GMDS: variants seen among roughly 807,000 people sequenced by gnomAD.
GMDS encodes GDP-mannose 4,6-dehydratase, also known as GDP-mannose 4,6 dehydratase.
Under a neutral mutation model 49.9 loss-of-function variants are expected in GMDS, and 20 were observed. The observed-to-expected ratio is 0.40, with a 90% CI of 0.28 to 0.58. GMDS has a LOEUF of 0.58. Among genes scored for constraint, GMDS ranks in the 20% least tolerant of loss-of-function variants. The pLI, the probability that GMDS is intolerant of heterozygous loss-of-function variation, is 0.42. For synonymous variants in GMDS, 177 were observed against 178.6 expected (o/e 0.99, Z 0.07); for missense variants, 362 against 481.4 (o/e 0.75, Z 2.32).
intron 1 of GMDS, among the ~76,000 whole-genome samples, chr6:2,131,801 CTTT>C (rs59213948): frequency 7.0e-6 from 1 of 142,888 alleles, no homozygotes; most frequent in African/African-American, 2.5e-5. Context: ...ACTGGTTTTC[CTTT>C]TTTTTTTTTT....
chr6:2,157,958 G>A (rs1348873566), intron 1 of GMDS, among the ~76,000 whole-genome samples: 1 of 152,018 alleles, frequency 6.6e-6, no homozygotes, highest in East Asian at 1.9e-4. Flanking sequence ...TTGGAAATGG[G>A]CATTAAAATC....
intron 9 of GMDS, among the ~76,000 whole-genome samples, chr6:1,652,364 C>A (rs182599439): frequency 6.1e-5 from 1 of 16,264 alleles, no homozygotes; most frequent in East Asian, 2.3e-3. Context: ...AAGAGTGAAA[C>A]TCCGCTAAAA....
chr6:1,971,725 T>C (rs1230536867), intron 4 of GMDS, among the ~76,000 whole-genome samples: 1 of 152,198 alleles, frequency 6.6e-6, no homozygotes, highest in East Asian at 1.9e-4. Context: ...TGGCTTTCCA[T>C]CTCTCACCCC....
intron 7 of GMDS, among the ~76,000 whole-genome samples, chr6:1,794,829 TTTAAAAG>T (rs1769675479): frequency 6.6e-6 from 1 of 152,120 alleles, no homozygotes. Context: ...ATTAAATGTA[TTTAAAAG>T]TTAATTTACA....
chr6:2,079,084 T>C (rs1463268746), intron 4 of GMDS, among the ~76,000 whole-genome samples: 6 of 139,506 alleles, frequency 4.3e-5, no homozygotes, highest in Non-Finnish European at 1.5e-5. Context: ...CTGACATAAG[T>C]ATAGCTACTC....
chr6:1,729,097 C>T (rs1766698004), intron 8 of GMDS, among the ~76,000 whole-genome samples: 1 of 152,158 alleles, frequency 6.6e-6, no homozygotes, highest in Non-Finnish European at 1.5e-5. Flanking sequence ...CATTTAATTC[C>T]TGTTTATAGC....
intron 9 of GMDS, among the ~76,000 whole-genome samples, chr6:1,670,441 C>T (rs546517854): frequency 6.7e-6 from 1 of 150,014 alleles, no homozygotes; most frequent in East Asian, 2.0e-4. Flanking sequence ...TAATGTAACA[C>T]ATGCTGGAAT....
In GMDS at chr6:2,020,263, A is replaced by G. The variant is rs75901537; in HGVS notation, c.346-59297T>C. Among the ~76,000 whole-genome samples the G allele has an allele frequency of 8.8e-3, 1,347 of 152,216 alleles. 19 individuals carry two copies. The highest frequency in any genetic ancestry group is 0.031 in the African/African-American group (1,287 of 41,574). ...AAAATTGAAATTGTCAACATTGAAT[A>G]TGTATGCCTAAAGGTCATAACTTAG... On this transcript the variant is annotated intron_variant, in intron 4 of 10. Coordinates refer to ENST00000380815, the MANE Select transcript of GMDS (RefSeq NM_001500.4).
chr6:1,651,460 A>G (rs1474982162), intron 9 of GMDS, among the ~76,000 whole-genome samples: 1 of 152,202 alleles, frequency 6.6e-6, no homozygotes, highest in African/African-American at 2.4e-5. Flanking sequence ...TGCTCTGTGC[A>G]TCTTCACTTC....
chr6:1,789,762 A>C (rs1468025037), intron 7 of GMDS, among the ~76,000 whole-genome samples: 8 of 151,636 alleles, frequency 5.3e-5, no homozygotes, highest in Admixed American at 5.3e-4. Context: ...ATAGTCCTGA[A>C]CTCCTGGGTT....
chr6:1,822,847 T>C (rs544670137), intron 7 of GMDS, among the ~76,000 whole-genome samples: 3 of 152,326 alleles, frequency 2.0e-5, no homozygotes, highest in East Asian at 3.9e-4. Flanking sequence ...TGACCTATAA[T>C]GTAAAAAGTA....
chr6:1,645,732 T>C (rs1347056358), intron 9 of GMDS, among the ~76,000 whole-genome samples: 3 of 152,218 alleles, frequency 2.0e-5, no homozygotes, highest in African/African-American at 7.2e-5. Flanking sequence ...GCTGCATTCT[T>C]CTTTCCAGCC....
intron 7 of GMDS, among the ~76,000 whole-genome samples, chr6:1,743,985 T>C (rs1767388763): frequency 1.3e-5 from 2 of 152,144 alleles, no homozygotes; most frequent in South Asian, 4.1e-4. Flanking sequence ...AACAAAACTG[T>C]TTGGTTTGCG....
intron 7 of GMDS, among the ~76,000 whole-genome samples, chr6:1,806,893 A>G (rs1437475096): frequency 6.6e-6 from 1 of 152,214 alleles, no homozygotes; most frequent in East Asian, 1.9e-4. Flanking sequence ...AAATCTCATC[A>G]TTCAACCACT....
chr6:2,052,838 G>A (rs74457828), intron 4 of GMDS, among the ~76,000 whole-genome samples: 2,613 of 152,212 alleles, frequency 0.017, 70 homozygotes, highest in African/African-American at 0.061. Flanking sequence ...CTAGCCCTAG[G>A]ACCAAGATAA....
intron 9 of GMDS, among the ~76,000 whole-genome samples, chr6:1,695,826 A>G (rs1765316866): frequency 6.6e-6 from 1 of 151,816 alleles, no homozygotes; most frequent in Non-Finnish European, 1.5e-5. Context: ...CTGAGAACAA[A>G]CAGTGCTGAG....
chr6:1,624,092 C>T lies in GMDS; in HGVS notation c.*77G>A, dbSNP rs920164353. On this transcript the variant is annotated 3_prime_UTR_variant, in exon 11 of 11. Transcript: ENST00000380815. ...GACCCGCAGATTGGCACGCCGCTCC[C>T]CATCCCCGCAGCGCGTCTGCACCGG... 1.5e-6 allele frequency: 2 copies of T among 1,338,552 alleles called. No homozygotes were observed. The highest frequency in any genetic ancestry group is 2.1e-6 in the Non-Finnish European group (2 of 948,460). The allele number at this position is 1,338,552 out of a possible 1,614,324, so 82.9% of individuals were successfully genotyped here.
chr6:1,637,459 G>A (rs1015277317), intron 9 of GMDS, among the ~76,000 whole-genome samples: 8 of 152,342 alleles, frequency 5.3e-5, no homozygotes, highest in Admixed American at 3.3e-4. Context: ...CTGGACTTCC[G>A]GGGAGCTGTC....
intron 7 of GMDS, among the ~76,000 whole-genome samples, chr6:1,926,270 T>C (rs973503208): frequency 6.6e-6 from 1 of 152,176 alleles, no homozygotes; most frequent in African/African-American, 2.4e-5. Flanking sequence ...AAGCCACCTA[T>C]GGATGGCTAA....
Sources: allele counts gnomAD v4.1 joint callset (sites outside exome capture counted in the v4.1 genomes callset), GRCh38; gene constraint gnomAD v4.1.1; transcripts MANE v1.5; gene names NCBI Gene and HGNC (gene_info 2026-07-23, HGNC 2026-07-21).